CSNK2A2IP: variants seen among roughly 807,000 people sequenced by gnomAD.
CSNK2A2IP encodes the protein casein kinase 2 subunit alpha' interacting protein.
the CSNK2A2IP span, among the ~76,000 whole-genome samples, chr3:88,409,717 C>A: frequency 6.6e-6 from 1 of 151,962 alleles, no homozygotes; most frequent in Admixed American, 6.6e-5. Context: ...GTCACAAGAT[C>A]ATTTTGTTTA....
chr3:88,433,834 T>C, the CSNK2A2IP span, among the ~76,000 whole-genome samples: 1 of 152,188 alleles, frequency 6.6e-6, no homozygotes, highest in Non-Finnish European at 1.5e-5. Flanking sequence ...CTGTTGCCTC[T>C]GCCCACAGAA....
the CSNK2A2IP span, among the ~76,000 whole-genome samples, chr3:88,386,136 T>C: frequency 2.0e-5 from 3 of 152,182 alleles, no homozygotes; most frequent in East Asian, 3.8e-4. Context: ...TTTTTTTTCT[T>C]TTTTTGAGAT....
the CSNK2A2IP span, among the ~76,000 whole-genome samples, chr3:88,379,316 T>A: frequency 6.6e-6 from 1 of 152,058 alleles, no homozygotes; most frequent in South Asian, 2.1e-4. Flanking sequence ...AAAAGAAGAA[T>A]TAGATTGTGA....
chr3:88,345,076 G>A, the CSNK2A2IP span, among the ~76,000 whole-genome samples: 1 of 151,882 alleles, frequency 6.6e-6, no homozygotes, highest in African/African-American at 2.4e-5. Context: ...CGCACACATT[G>A]TCTGGATTAT....
the CSNK2A2IP span, chr3:88,399,672 G>C: frequency 6.6e-6 from 1 of 152,130 alleles, no homozygotes; most frequent in East Asian, 1.9e-4. Flanking sequence ...TTCTTCCTCC[G>C]CAAACTAAAG....
chr3:88,436,907 T>C, the CSNK2A2IP span, among the ~76,000 whole-genome samples: 46,307 of 151,928 alleles, frequency 0.3, 7,225 homozygotes, highest in African/African-American at 0.35. Context: ...CTGTTTATAA[T>C]TGTATATATG....
chr3:88,350,237 A>G, the CSNK2A2IP span, among the ~76,000 whole-genome samples: 1 of 152,126 alleles, frequency 6.6e-6, no homozygotes, highest in Non-Finnish European at 1.5e-5. Flanking sequence ...TTGAAAGGCC[A>G]GATTCTCCAT....
chr3:88,407,071 A>G, the CSNK2A2IP span, among the ~76,000 whole-genome samples: 8 of 152,178 alleles, frequency 5.3e-5, no homozygotes, highest in African/African-American at 1.9e-4. Context: ...TAGACCACAA[A>G]GCAGAGAGAA....
chr3:88,380,008 C>T, the CSNK2A2IP span, among the ~76,000 whole-genome samples: 39 of 152,110 alleles, frequency 2.6e-4, no homozygotes, highest in Non-Finnish European at 4.4e-4. Context: ...GATTCCATTT[C>T]AATCTGTAAA....
chr3:88,393,502 G>A, the CSNK2A2IP span, among the ~76,000 whole-genome samples: 2 of 152,134 alleles, frequency 1.3e-5, no homozygotes, highest in African/African-American at 4.8e-5. Flanking sequence ...AGAGTGGATC[G>A]ATATAGATAA....
the CSNK2A2IP span, chr3:88,465,778 CTG>C: frequency 8.1e-7 from 1 of 1,231,704 alleles, no homozygotes; most frequent in Non-Finnish European, 1.0e-6. Flanking sequence ...GACATCATCA[CTG>C]GAGCTCAATC....
At chr3:88,465,766 A>G in the CSNK2A2IP span, 2 of 1,231,616 alleles carry the variant, frequency 1.6e-6, no homozygotes, top group Admixed American at 4.2e-5. Context: ...TGACCTCAAC[A>G]TGACATCATC....
the CSNK2A2IP span, among the ~76,000 whole-genome samples, chr3:88,389,605 T>G: frequency 6.6e-6 from 1 of 152,146 alleles, no homozygotes. Flanking sequence ...GAGAATAGAC[T>G]GCATGGAGGT....
chr3:88,366,609 G>A, the CSNK2A2IP span, among the ~76,000 whole-genome samples: 5 of 152,142 alleles, frequency 3.3e-5, no homozygotes, highest in South Asian at 2.1e-4. Flanking sequence ...TTTAATTGGA[G>A]TGTTAAAGTT....
At chr3:88,458,699 T>C in the CSNK2A2IP span, among the ~76,000 whole-genome samples, 56,969 of 151,924 alleles carry the variant, frequency 0.37, 11,199 homozygotes, top group East Asian at 0.69. Context: ...TCATTTATTG[T>C]TACAGATAGC....
chr3:88,340,946 C>A, the CSNK2A2IP span, among the ~76,000 whole-genome samples: 4 of 151,902 alleles, frequency 2.6e-5, no homozygotes, highest in Non-Finnish European at 5.9e-5. Context: ...TGTTTGTGTT[C>A]CAGGCCTGAA....
the CSNK2A2IP span, among the ~76,000 whole-genome samples, chr3:88,407,770 G>A: frequency 6.6e-6 from 1 of 151,768 alleles, no homozygotes; most frequent in African/African-American, 2.4e-5. Flanking sequence ...GCCACCCAGG[G>A]TGGAGTGCAG....
At chr3:88,410,780 G>C in the CSNK2A2IP span, among the ~76,000 whole-genome samples, 1 of 151,952 alleles carries the variant, frequency 6.6e-6, no homozygotes, top group African/African-American at 2.4e-5. Flanking sequence ...TCTTATCACA[G>C]TGGTGGTTTA....
chr3:88,391,195 C>A, the CSNK2A2IP span, among the ~76,000 whole-genome samples: 9 of 152,224 alleles, frequency 5.9e-5, no homozygotes, highest in South Asian at 2.1e-4. Flanking sequence ...TTTGTAGATA[C>A]CCTGATATTA....
Sources: allele counts gnomAD v4.1 joint callset (sites outside exome capture counted in the v4.1 genomes callset), GRCh38; gene constraint gnomAD v4.1.1; transcripts MANE v1.5; gene names NCBI Gene and HGNC (gene_info 2026-07-23, HGNC 2026-07-21).